The following CCDC93 variants were observed in gnomAD, a reference collection of about 807,000 sequenced individuals.
CCDC93 encodes CCC complex scaffolding subunit CCDC93.
CCDC93 carries 61 observed loss-of-function variants against 108.2 expected under a neutral mutation model. The ratio of observed to expected loss-of-function variants is 0.56; its 90% confidence interval spans 0.46 to 0.70. The LOEUF (loss-of-function observed/expected upper bound fraction) is 0.70. Ranked by LOEUF, CCDC93 falls within the 30% of genes least tolerant of loss-of-function variation. The pLI is 0.00. For missense variants in CCDC93, 685 were observed against 764.2 expected, an observed-to-expected ratio of 0.90 and a Z score of 1.22; for synonymous variants, 276 against 260.4, an observed-to-expected ratio of 1.06 and a Z score of -0.58.
At chr2:118,013,145 C>G (rs973522966) in intron 1 of CCDC93, among the ~76,000 whole-genome samples, 4 of 152,190 alleles carry the variant, frequency 2.6e-5, no homozygotes, top group African/African-American at 9.7e-5. Context: ...GTATTTGCAG[C>G]CAAAAGAAAA....
chr2:117,996,005 G>A (rs1250401351), intron 5 of CCDC93, among the ~76,000 whole-genome samples: 2 of 151,834 alleles, frequency 1.3e-5, no homozygotes, highest in Non-Finnish European at 2.9e-5. Flanking sequence ...CTGGGCAAGT[G>A]GCCTCTCAAA....
chr2:117,979,833 A>C (rs1680057657), intron 7 of CCDC93, among the ~76,000 whole-genome samples: 1 of 152,180 alleles, frequency 6.6e-6, no homozygotes, highest in African/African-American at 2.4e-5. Context: ...TGAGGCTGGA[A>C]AAGAGACTAT....
chr2:117,924,681 T>C (rs1239447530), intron 23 of CCDC93, among the ~76,000 whole-genome samples: 1 of 152,166 alleles, frequency 6.6e-6, no homozygotes, highest in African/African-American at 2.4e-5. Context: ...ATGGGGAGAA[T>C]GGAACCAAGT....
At chr2:118,004,852 T>C (rs1676822077) in intron 3 of CCDC93, among the ~76,000 whole-genome samples, 1 of 152,126 alleles carries the variant, frequency 6.6e-6, no homozygotes, top group Non-Finnish European at 1.5e-5. Context: ...TCCAAACCCT[T>C]TGGGTCAGAT....
chr2:117,949,961 T>C (rs1445597529), intron 13 of CCDC93: 6 of 985,302 alleles, frequency 6.1e-6, no homozygotes, highest in African/African-American at 3.5e-5. Flanking sequence ...AATAGCCACA[T>C]AGGCTAGGCA....
intron 23 of CCDC93, among the ~76,000 whole-genome samples, chr2:117,926,149 G>A (rs1176650729): frequency 6.6e-6 from 1 of 151,954 alleles, no homozygotes; most frequent in Non-Finnish European, 1.5e-5. Context: ...AGCACTAAAT[G>A]CCCACAAGAG....
At chr2:117,942,860 A>C (rs749244599) in intron 18 of CCDC93, among the ~76,000 whole-genome samples, 1 of 152,192 alleles carries the variant, frequency 6.6e-6, no homozygotes. Context: ...AAAAGCCCCA[A>C]ACAGATCTCA....
chr2:117,978,180 C>T (rs918205605), intron 7 of CCDC93, 150 bp from the exon 8 acceptor site: 1 of 689,308 alleles, frequency 1.5e-6, no homozygotes, highest in African/African-American at 1.8e-5. Context: ...GCCTAAATTA[C>T]AAACATATTC....
At chr2:117,961,507 TATTA>T (rs1424494280) in intron 11 of CCDC93, among the ~76,000 whole-genome samples, 1 of 152,222 alleles carries the variant, frequency 6.6e-6, no homozygotes, top group Admixed American at 6.5e-5. Context: ...TAAAACAGTT[TATTA>T]CTGAGCTGAA....
intron 11 of CCDC93, among the ~76,000 whole-genome samples, chr2:117,963,148 G>A (rs1679448127): frequency 6.6e-6 from 1 of 152,150 alleles, no homozygotes; most frequent in South Asian, 2.1e-4. Flanking sequence ...GGGGCTCACA[G>A]TCAAAAATCA....
chr2:117,970,794 TA>T (rs1161470608), intron 11 of CCDC93, among the ~76,000 whole-genome samples: 7 of 152,134 alleles, frequency 4.6e-5, no homozygotes, highest in African/African-American at 1.7e-4. Context: ...GTTGCTACAG[TA>T]ACAAATTAGA....
intron 6 of CCDC93, among the ~76,000 whole-genome samples, chr2:117,993,634 G>T (rs1680555913): frequency 6.6e-6 from 1 of 152,190 alleles, no homozygotes; most frequent in Admixed American, 6.5e-5. Context: ...TTCCAGAGAT[G>T]AAGTAACATT....
chr2:117,941,456 G>A (rs548304612), intron 18 of CCDC93, among the ~76,000 whole-genome samples, 159 bp from the exon 19 acceptor site: 6 of 152,166 alleles, frequency 3.9e-5, no homozygotes, highest in Non-Finnish European at 2.9e-5. Flanking sequence ...CCCCATCTCA[G>A]ATTTGGATTG....
chr2:117,978,130 G>T (rs1680001560), intron 7 of CCDC93, 100 bp from the exon 8 acceptor site: 11 of 1,042,086 alleles, frequency 1.1e-5, no homozygotes, highest in Non-Finnish European at 1.6e-5. Context: ...AACATCAAGA[G>T]AATTTATGCC....
intron 6 of CCDC93, among the ~76,000 whole-genome samples, chr2:117,991,125 C>G (rs1680464253): frequency 1.3e-5 from 2 of 152,144 alleles, no homozygotes; most frequent in African/African-American, 4.8e-5. Context: ...TATTTAAATA[C>G]TTTTATGTTA....
chr2:118,011,643 A>G (rs574422375), intron 1 of CCDC93, among the ~76,000 whole-genome samples: 1 of 152,314 alleles, frequency 6.6e-6, no homozygotes, highest in African/African-American at 2.4e-5. Context: ...TCAATCATTT[A>G]TTATGAAAAC....
chr2:117,931,023 A>C lies in CCDC93; in HGVS notation c.1842+14T>G. ...TCACGTTAGCCTTAATGTGCTACCC[A>C]GCCTTCCTCTTACCTCCTTGAACTC... On this transcript the variant is annotated intron_variant, in intron 23 of 23. Coordinates refer to ENST00000376300, the MANE Select transcript of CCDC93 (RefSeq NM_019044.5). 1 of 1,539,468 alleles carries C rather than the reference A, an allele frequency of 6.5e-7. No homozygotes were observed. The highest frequency in any genetic ancestry group is 1.1e-5 in the South Asian group (1 of 87,916).
Position 117,949,410 on chromosome 2 carries a change from G to A in CCDC93, c.1069-15C>T, listed in dbSNP as rs1678979017. 2 of 1,597,584 alleles carry A rather than the reference G, an allele frequency of 1.3e-6. No homozygotes were observed. Among genetic ancestry groups the A allele is most frequent in the Non-Finnish European group, 1.7e-6 (2 of 1,165,278 alleles). On this transcript the variant is annotated splice_polypyrimidine_tract_variant and intron_variant, in intron 13 of 23. Coordinates refer to ENST00000376300, the MANE Select transcript of CCDC93 (RefSeq NM_019044.5). ...TAAGTCTTCAGCTGCAAGAGAGAAT[G>A]AAGACATGGTTGCTGGAGCCTTGGT...
intron 23 of CCDC93, among the ~76,000 whole-genome samples, chr2:117,922,544 C>T (rs951081033): frequency 6.6e-5 from 10 of 152,132 alleles, no homozygotes; most frequent in East Asian, 1.9e-4. Flanking sequence ...ATGGCGCCCA[C>T]GGTGCATAAC....
Sources: allele counts gnomAD v4.1 joint callset (sites outside exome capture counted in the v4.1 genomes callset), GRCh38; gene constraint gnomAD v4.1.1; transcripts MANE v1.5; gene names NCBI Gene and HGNC (gene_info 2026-07-23, HGNC 2026-07-21).